Variants in SLC14A2 observed in about 807,000 individuals in gnomAD.
SLC14A2 encodes the protein urea transporter 2.
A neutral mutation model predicts 104.6 loss-of-function variants in SLC14A2; 91 were observed. The ratio of observed to expected loss-of-function variants is 0.87; its 90% CI spans 0.73 to 1.04. The LOEUF is 1.04. Ranked by LOEUF, SLC14A2 falls within the 50% of genes least tolerant of loss-of-function variation. The pLI, the probability that SLC14A2 is intolerant of heterozygous loss-of-function variation, is 0.00. For synonymous variants in SLC14A2, 476 were observed against 466.4 expected, an observed-to-expected ratio of 1.02 and a Z score of -0.27; for missense variants, 1,189 against 1,156.0, an observed-to-expected ratio of 1.03 and a Z score of -0.41.
chr18:45,518,958 G>A (rs914890236), intron 2 of SLC14A2, among the ~76,000 whole-genome samples: 4 of 152,250 alleles, frequency 2.6e-5, no homozygotes, highest in African/African-American at 4.8e-5. Context: ...CCAGCCTGGT[G>A]GCATGCAAGT....
intron 1 of SLC14A2, among the ~76,000 whole-genome samples, chr18:45,415,424 C>G (rs1421385896): frequency 1.3e-5 from 2 of 152,116 alleles, no homozygotes; most frequent in Non-Finnish European, 2.9e-5. Flanking sequence ...CATCAAAGCT[C>G]TGTAATCGAG....
the SLC14A2 span, among the ~76,000 whole-genome samples, chr18:45,187,764 A>G: frequency 6.6e-6 from 1 of 151,922 alleles, no homozygotes; most frequent in African/African-American, 2.4e-5. Flanking sequence ...GCTTCTGGTA[A>G]AAAAATAAAT....
chr18:45,611,147 A>G (rs113381295), upstream of SLC14A2, among the ~76,000 whole-genome samples: 2 of 152,078 alleles, frequency 1.3e-5, no homozygotes, highest in Admixed American at 1.3e-4. Context: ...GCCTCCTCCC[A>G]TTCCAAACAC....
the SLC14A2 span, among the ~76,000 whole-genome samples, chr18:45,183,290 G>A: frequency 6.6e-6 from 1 of 152,076 alleles, no homozygotes. Context: ...ACACCTCTTG[G>A]GGTAGGCCGC....
intron 2 of SLC14A2, among the ~76,000 whole-genome samples, chr18:45,523,702 C>G (rs190707879): frequency 4.9e-4 from 75 of 152,138 alleles, no homozygotes; most frequent in Non-Finnish European, 9.1e-4. Context: ...AATGATACAT[C>G]CTGCCTGTAA....
intron 2 of SLC14A2, among the ~76,000 whole-genome samples, chr18:45,583,629 A>G (rs1383372462): frequency 6.6e-6 from 1 of 152,234 alleles, no homozygotes; most frequent in Non-Finnish European, 1.5e-5. Context: ...AAGCACCCAA[A>G]ACTCCCACAC....
chr18:45,334,165 A>G (rs73955537), intron 1 of SLC14A2, among the ~76,000 whole-genome samples: 13 of 152,362 alleles, frequency 8.5e-5, no homozygotes, highest in African/African-American at 3.1e-4. Context: ...GTGATATAAT[A>G]GAAGAAATTA....
At chr18:45,330,332 A>G (rs2085276532) in intron 1 of SLC14A2, among the ~76,000 whole-genome samples, 2 of 152,126 alleles carry the variant, frequency 1.3e-5, no homozygotes, top group Admixed American at 6.5e-5. Flanking sequence ...GAAATTGGTC[A>G]CAGACAATTG....
chr18:45,668,379 C>T lies in SLC14A2; in HGVS notation c.1938C>T (p.Tyr646=), dbSNP rs371560960. 8.7e-6 allele frequency: 14 copies of T among 1,614,118 alleles called. No individual in the cohort carries two copies. In the African/African-American group the frequency reaches 1.5e-4, roughly 17 times the overall value. The change falls in exon 15 of 20, where the codon TAC becomes TAT. Residue 646 remains tyrosine, a synonymous_variant. Transcript: ENST00000255226. The stretch of plus-strand genomic sequence containing the variant: ...CCATCGCTGCAGGATTTCACGGCTA[C>T]AATGGGGTGCTGGTGGGGCTGCTGA... ...KSAIAAGFHG[Y]NGVLVGLLMA... is the part of the protein sequence containing the mutation.
chr18:45,651,923 G>A (rs1175891001), intron 10 of SLC14A2, among the ~76,000 whole-genome samples: 2 of 152,140 alleles, frequency 1.3e-5, no homozygotes, highest in Admixed American at 1.3e-4. Context: ...AACTCTCCTT[G>A]GCATTGACTT....
At chr18:45,302,248 G>A (rs1244451107) in intron 1 of SLC14A2, among the ~76,000 whole-genome samples, 2 of 152,190 alleles carry the variant, frequency 1.3e-5, no homozygotes, top group Non-Finnish European at 2.9e-5. Flanking sequence ...TCTTTAATGG[G>A]TCAGTTTTTA....
intron 1 of SLC14A2, among the ~76,000 whole-genome samples, chr18:45,216,445 A>T (rs2084011274): frequency 6.6e-6 from 1 of 152,148 alleles, no homozygotes; most frequent in African/African-American, 2.4e-5. Flanking sequence ...TCTGCCTGCT[A>T]TGGCTAATCT....
the SLC14A2 span, among the ~76,000 whole-genome samples, chr18:45,199,235 G>GT: frequency 3.9e-5 from 6 of 152,052 alleles, no homozygotes; most frequent in Non-Finnish European, 7.4e-5. Context: ...CTTCTGCTGT[G>GT]TGTACACATT....
chr18:45,397,019 G>A (rs2086041313), intron 1 of SLC14A2, among the ~76,000 whole-genome samples: 1 of 152,180 alleles, frequency 6.6e-6, no homozygotes, highest in South Asian at 2.1e-4. Context: ...TGGTGACATA[G>A]TATTCCTTGG....
chr18:45,237,805 G>A (rs1049834890), intron 1 of SLC14A2, among the ~76,000 whole-genome samples: 31 of 152,158 alleles, frequency 2.0e-4, no homozygotes, highest in Non-Finnish European at 1.3e-4. Flanking sequence ...GGCACCTTAA[G>A]GTTTCAGCAG....
At chr18:45,503,500 C>G (rs1388768218) in intron 2 of SLC14A2, among the ~76,000 whole-genome samples, 3 of 151,834 alleles carry the variant, frequency 2.0e-5, no homozygotes, top group African/African-American at 7.3e-5. Context: ...GCCATTGTAA[C>G]CCTCCTGTCT....
At chr18:45,456,291 C>A (rs1332338286) in intron 1 of SLC14A2, among the ~76,000 whole-genome samples, 7 of 152,314 alleles carry the variant, frequency 4.6e-5, no homozygotes, top group Admixed American at 3.9e-4. Context: ...TAACTCAGAG[C>A]AGCACCATCT....
At chr18:45,276,842 C>G (rs1038528435) in intron 1 of SLC14A2, among the ~76,000 whole-genome samples, 1 of 152,190 alleles carries the variant, frequency 6.6e-6, no homozygotes, top group Non-Finnish European at 1.5e-5. Context: ...TGTTTAGACC[C>G]GACTTTCCAC....
upstream of SLC14A2, chr18:45,615,102 C>T (rs1357523261): frequency 1.3e-5 from 2 of 152,156 alleles, no homozygotes; most frequent in African/African-American, 4.8e-5. Context: ...CGGCCATTTG[C>T]TTTTGATTTT....
Sources: allele counts gnomAD v4.1 joint callset (sites outside exome capture counted in the v4.1 genomes callset), GRCh38; gene constraint gnomAD v4.1.1; transcripts MANE v1.5; gene names NCBI Gene and HGNC (gene_info 2026-07-23, HGNC 2026-07-21).